PALM2AKAP2: variants seen among roughly 807,000 people sequenced by gnomAD.
The protein encoded by PALM2AKAP2 is PALM2 and AKAP2 fusion.
Under a neutral mutation model 71.5 loss-of-function variants are expected in PALM2AKAP2, and 37 were observed. The observed-to-expected ratio is 0.52, with a 90% CI of 0.40 to 0.68. The LOEUF is 0.68. Ranked by LOEUF, PALM2AKAP2 falls within the 30% of genes least tolerant of loss-of-function variation. The pLI is 0.00. For synonymous variants in PALM2AKAP2, 468 were observed against 478.8 expected (o/e 0.98, Z 0.29); for missense variants, 1,224 against 1,191.8 (o/e 1.03, Z -0.40).
At chr9:110,132,200 C>T (rs1490176847) in intron 1 of PALM2AKAP2, among the ~76,000 whole-genome samples, 1 of 151,962 alleles carries the variant, frequency 6.6e-6, no homozygotes, top group African/African-American at 2.4e-5. Flanking sequence ...TACAGAGGCA[C>T]CTGCCACCAC....
intron 7 of PALM2AKAP2, among the ~76,000 whole-genome samples, chr9:110,023,199 T>C (rs1564265519): frequency 1.3e-5 from 2 of 151,806 alleles, no homozygotes; most frequent in African/African-American, 4.8e-5. Context: ...CCACCAACAG[T>C]GTAAAAGTGT....
chr9:110,025,789 C>T (rs759301443), intron 7 of PALM2AKAP2, among the ~76,000 whole-genome samples: 9 of 152,282 alleles, frequency 5.9e-5, no homozygotes, highest in South Asian at 2.1e-4. Context: ...TGGTGGCTAA[C>T]GACACTGAGT....
At chr9:109,989,448 T>C (rs959931043) in intron 6 of PALM2AKAP2, among the ~76,000 whole-genome samples, 16 of 152,234 alleles carry the variant, frequency 1.1e-4, no homozygotes, top group African/African-American at 3.9e-4. Flanking sequence ...ATCAAGATGG[T>C]AAGTCCTGTT....
At chr9:109,809,091 G>A (rs1827658173) in intron 1 of PALM2AKAP2, among the ~76,000 whole-genome samples, 1 of 152,230 alleles carries the variant, frequency 6.6e-6, no homozygotes, top group African/African-American at 2.4e-5. Flanking sequence ...AGGGCAGTGT[G>A]GAAAGGAAAT....
chr9:109,973,080 C>T (rs1255889671), intron 6 of PALM2AKAP2, among the ~76,000 whole-genome samples: 3 of 151,992 alleles, frequency 2.0e-5, no homozygotes, highest in Admixed American at 2.0e-4. Context: ...ACTGCTATAC[C>T]CTAATAGAAT....
At chr9:109,672,820 G>A (rs567977459) in intron 1 of PALM2AKAP2, among the ~76,000 whole-genome samples, 3 of 151,802 alleles carry the variant, frequency 2.0e-5, no homozygotes, top group Admixed American at 1.3e-4. Context: ...ATTTCTTCCC[G>A]GATCAGTCTT....
intron 1 of PALM2AKAP2, among the ~76,000 whole-genome samples, chr9:109,696,107 A>T (rs1827966237): frequency 6.6e-6 from 1 of 152,216 alleles, no homozygotes; most frequent in African/African-American, 2.4e-5. Context: ...GCATAAATGT[A>T]TCAAAATATC....
chr9:109,653,173 C>T (rs1587854907), intron 1 of PALM2AKAP2, among the ~76,000 whole-genome samples: 2 of 152,160 alleles, frequency 1.3e-5, no homozygotes, highest in Non-Finnish European at 2.9e-5. Flanking sequence ...AGAATGCCTG[C>T]CCCCTTGAGG....
At chr9:109,736,092 C>T (rs1373648159) in intron 1 of PALM2AKAP2, among the ~76,000 whole-genome samples, 1 of 152,176 alleles carries the variant, frequency 6.6e-6, no homozygotes, top group African/African-American at 2.4e-5. Context: ...AAATCACCAA[C>T]CATTCCAGCA....
intron 1 of PALM2AKAP2, among the ~76,000 whole-genome samples, chr9:109,794,195 C>T (rs367794575): frequency 2.6e-4 from 40 of 152,220 alleles, no homozygotes; most frequent in African/African-American, 6.5e-4. Flanking sequence ...TGAGTTTTGC[C>T]GCTGTGGAAT....
In PALM2AKAP2 at chr9:109,723,364, C is replaced by G. The variant is rs550825056; in HGVS notation, c.6-57124C>G. Among the ~76,000 whole-genome samples, 4 of 152,266 alleles carry G rather than the reference C, an allele frequency of 2.6e-5. No individual in the cohort carries two copies. In the South Asian group the frequency reaches 8.3e-4, roughly 32 times the overall value. ...GACATGTGTGATCATGCTGTGTCCC[C>G]CCACCAACTCAATCTATGTCTTTAC... On this transcript the variant is annotated intron_variant, in intron 1 of 6. Transcript: ENST00000374531.
At chr9:109,713,630 C>A (rs1199161625) in intron 1 of PALM2AKAP2, among the ~76,000 whole-genome samples, 1 of 151,978 alleles carries the variant, frequency 6.6e-6, no homozygotes, top group Non-Finnish European at 1.5e-5. Context: ...AAGTCTATTT[C>A]AAAAATCTCA....
At chr9:109,777,497 T>C (rs1225783084), upstream of PALM2AKAP2, among the ~76,000 whole-genome samples, 1 of 152,228 alleles carries the variant, frequency 6.6e-6, no homozygotes, top group Non-Finnish European at 1.5e-5. Context: ...TCCACCTTCA[T>C]CTTTCACATC....
intron 1 of PALM2AKAP2, among the ~76,000 whole-genome samples, chr9:109,811,474 G>A (rs1319000880): frequency 1.3e-5 from 2 of 152,006 alleles, no homozygotes; most frequent in Non-Finnish European, 2.9e-5. Context: ...ATGCATGGTG[G>A]AAAGTTAGTA....
At chr9:109,743,187 T>A (rs1828742385) in intron 1 of PALM2AKAP2, among the ~76,000 whole-genome samples, 2 of 152,262 alleles carry the variant, frequency 1.3e-5, no homozygotes, top group South Asian at 4.1e-4. Flanking sequence ...GGGAGGGATC[T>A]TTTTCCCTCC....
chr9:109,881,084 G>A (rs995341894), intron 3 of PALM2AKAP2, among the ~76,000 whole-genome samples: 1 of 151,978 alleles, frequency 6.6e-6, no homozygotes, highest in Admixed American at 6.6e-5. Flanking sequence ...TCCCTTCTAC[G>A]TGTCCGTGTG....
intron 1 of PALM2AKAP2, among the ~76,000 whole-genome samples, chr9:109,838,872 C>T (rs1027129896): frequency 1.3e-5 from 2 of 152,166 alleles, no homozygotes; most frequent in African/African-American, 2.4e-5. Flanking sequence ...ATAACAGGCT[C>T]TGAAATTAAG....
At chr9:110,165,490 G>A (rs1271831208) in intron 3 of PALM2AKAP2, among the ~76,000 whole-genome samples, 1 of 152,098 alleles carries the variant, frequency 6.6e-6, no homozygotes, top group Non-Finnish European at 1.5e-5. Context: ...TTTCAGTAAG[G>A]ATGTTTATTT....
intron 1 of PALM2AKAP2, chr9:109,866,993 T>C: frequency 2.2e-6 from 1 of 456,220 alleles, no homozygotes; most frequent in South Asian, 1.6e-5. Context: ...TCCTACAAAA[T>C]TTGAAACAAC....
Sources: gnomAD v4.1 joint callset for allele counts (sites outside exome capture counted in the v4.1 genomes callset) on GRCh38, gnomAD v4.1.1 for gene constraint, MANE v1.5 for transcripts, NCBI Gene and HGNC (gene_info 2026-07-23, HGNC 2026-07-21) for gene names.